Variants in C3orf20 observed in about 807,000 individuals in gnomAD.
C3orf20 encodes uncharacterized protein C3orf20.
A neutral mutation model predicts 88.3 loss-of-function variants in C3orf20; 76 were observed. The observed-to-expected ratio is 0.86, with a 90% CI of 0.72 to 1.04. C3orf20 has a LOEUF of 1.04. Among genes scored for constraint, C3orf20 ranks in the 50% least tolerant of loss-of-function variants. The probability of loss-of-function intolerance (pLI) is 0.00; values close to 1 mark genes in which losing one functional copy is unlikely to be tolerated. For synonymous variants in C3orf20, 436 were observed against 437.4 expected (o/e 1.00, Z 0.04); for missense variants, 1,056 against 1,123.3 (o/e 0.94, Z 0.86).
At chr3:14,717,191 A>G (rs2033974214) in intron 9 of C3orf20, among the ~76,000 whole-genome samples, 1 of 152,254 alleles carries the variant, frequency 6.6e-6, no homozygotes, top group African/African-American at 2.4e-5. Flanking sequence ...GGTCACCAGA[A>G]CTGCCCTCCG....
chr3:14,713,882 T>C, intron 7 of C3orf20, 125 bp from the exon 8 acceptor site: 1 of 942,526 alleles, frequency 1.1e-6, no homozygotes, highest in Non-Finnish European at 1.6e-6. Context: ...GCAAGGAGGG[T>C]GTTTGAAGAT....
intron 10 of C3orf20, 145 bp downstream of exon 10, chr3:14,721,929 C>A: frequency 2.0e-6 from 2 of 977,180 alleles, no homozygotes; most frequent in Non-Finnish European, 3.0e-6. Context: ...TATTCACCAC[C>A]TACTCTTAGT....
At chr3:14,712,959 C>T (rs1262231371) in intron 7 of C3orf20, among the ~76,000 whole-genome samples, 1 of 152,032 alleles carries the variant, frequency 6.6e-6, no homozygotes, top group Non-Finnish European at 1.5e-5. Flanking sequence ...CCTTCGAGGT[C>T]TTTAGATATT....
At position 14,683,133 on chromosome 3, in the gene C3orf20, G is replaced by C; in HGVS notation, c.420G>C (p.Gln140His). 6.2e-7 allele frequency: 1 copy of C among 1,613,944 alleles called. No homozygotes were observed. Among genetic ancestry groups the C allele is most frequent in the Non-Finnish European group, 8.5e-7 (1 of 1,179,914 alleles). Residue 140 changes from glutamine (Q) to histidine (H), a missense_variant, in exon 3 of 17, where the codon CAG becomes CAC. By Grantham distance (24) the Gln-to-His change is conservative (BLOSUM62 0). Coordinates refer to ENST00000253697, the MANE Select transcript of C3orf20 (RefSeq NM_032137.5). ...HQETLNRFQQQSIHLLTELLR... is the reference protein window; with the variant it reads ...HQETLNRFQQHSIHLLTELLR... ...AGACCCTGAACAGGTTTCAGCAGCA[G>C]TCCATCCACCTGCTGACGGAGCTCC... is the stretch of plus-strand genomic sequence containing the variant.
chr3:14,686,781 G>A (rs753411), intron 4 of C3orf20, among the ~76,000 whole-genome samples: 127,533 of 152,160 alleles, frequency 0.84, 53,550 homozygotes, highest in Non-Finnish European at 0.87. Flanking sequence ...TATAGGAAGC[G>A]TAAAAAAATT....
rs1225270929 is a variant in C3orf20, at chr3:14,722,638, C to T, written c.1566+854C>T. The T allele has an allele frequency of 3.5e-5, 16 of 454,834 alleles. 1 individual carries two copies. The highest frequency in any genetic ancestry group is 4.4e-5 in the Non-Finnish European group (10 of 225,874). 28.2% of individuals were successfully genotyped at this position (454,834 alleles called of 1,614,324 possible). ...CGTCCATTCTAGACTGCTTTCGTTT[C>T]AAGTCTATCGTCTCCACAAATTGAA... On this transcript the variant is annotated intron_variant, in intron 10 of 16. Transcript: ENST00000253697.
At chr3:14,713,943 A>G (rs759930535) in intron 7 of C3orf20, 64 bp from the exon 8 acceptor site, 66 of 1,582,770 alleles carry the variant, frequency 4.2e-5, no homozygotes, top group Non-Finnish European at 5.1e-5. Flanking sequence ...ACTTGCTTCA[A>G]TGGGACAACT....
Position 14,742,933 on chromosome 3 carries a change from C to T in C3orf20, c.1940+14245C>T, listed in dbSNP as rs569798472. ...TCAATTACCTCCCCACTGGGTCCCT[C>T]CCACAACACGTGGGAATTCTGAGAG... On this transcript the variant is annotated intron_variant, in intron 12 of 16. Coordinates refer to ENST00000253697, the MANE Select transcript of C3orf20 (RefSeq NM_032137.5). Among the ~76,000 whole-genome samples, 107 of 152,198 alleles carry T rather than the reference C, an allele frequency of 7.0e-4. 1 individual carries two copies. The South Asian group carries it at 0.014, about 19-fold the overall frequency.
intron 1 of C3orf20, among the ~76,000 whole-genome samples, chr3:14,678,108 G>A (rs998448469): frequency 6.6e-6 from 1 of 152,190 alleles, no homozygotes; most frequent in African/African-American, 2.4e-5. Context: ...GCTGTTTGGA[G>A]CCTTCAGCCT....
At chr3:14,699,337 C>T (rs2033148369) in intron 5 of C3orf20, among the ~76,000 whole-genome samples, 1 of 152,174 alleles carries the variant, frequency 6.6e-6, no homozygotes, top group Non-Finnish European at 1.5e-5. Context: ...TCACTGTGAC[C>T]ATCACATCTG....
chr3:14,754,933 C>T (rs7637140), intron 12 of C3orf20, among the ~76,000 whole-genome samples: 1,524 of 152,172 alleles, frequency 0.01, 17 homozygotes, highest in African/African-American at 0.035. Flanking sequence ...CTATGTTGTC[C>T]AGCCTTGTCT....
chr3:14,766,831 A>G (rs1321625836), intron 15 of C3orf20: 1 of 152,372 alleles, frequency 6.6e-6, no homozygotes, highest in Non-Finnish European at 1.5e-5. Context: ...GCTGGAAGCC[A>G]AGTGCAGCCG....
At chr3:14,767,760 A>G (rs2035754766) in intron 15 of C3orf20, among the ~76,000 whole-genome samples, 1 of 152,240 alleles carries the variant, frequency 6.6e-6, no homozygotes, top group African/African-American at 2.4e-5. Context: ...TGCCCTGTAA[A>G]CCAGAAAGCA....
chr3:14,709,110 C>T (rs2033637935), intron 7 of C3orf20, among the ~76,000 whole-genome samples: 2 of 151,614 alleles, frequency 1.3e-5, no homozygotes, highest in African/African-American at 2.4e-5. Flanking sequence ...AGAACTTGTA[C>T]ACTGAAAACT....
At chr3:14,731,973 A>T (rs1166423766) in intron 12 of C3orf20, among the ~76,000 whole-genome samples, 1 of 152,228 alleles carries the variant, frequency 6.6e-6, no homozygotes, top group Non-Finnish European at 1.5e-5. Flanking sequence ...GCAGGCTTTT[A>T]TGTGAGCCTA....
rs1356867152 is a variant in C3orf20, at chr3:14,772,656, C to G, written c.2631-135C>G. 1.5e-6 allele frequency: 1 copy of G among 667,150 alleles called. No individual in the cohort carries two copies. The highest frequency in any genetic ancestry group is 2.6e-6 in the Non-Finnish European group (1 of 381,420). 41.3% of individuals were successfully genotyped at this position (667,150 alleles called of 1,614,324 possible). On this transcript the variant is annotated intron_variant, in intron 16 of 16. Coordinates refer to ENST00000253697, the MANE Select transcript of C3orf20 (RefSeq NM_032137.5). This position sits in a 1 kb window ranked among gnomAD's most constrained non-coding sequence, Gnocchi z 4.2. Reference sequence around the variant, plus strand: ...AGGTCGCAGGTGCCACCGGGGCCCTCTGGTTGGAACAGCACCCAACAGCCT... The same window carrying G: ...AGGTCGCAGGTGCCACCGGGGCCCTGTGGTTGGAACAGCACCCAACAGCCT...
chr3:14,761,274 G>T (rs2035554218), intron 14 of C3orf20, among the ~76,000 whole-genome samples, 199 bp from the exon 15 acceptor site: 1 of 149,142 alleles, frequency 6.7e-6, no homozygotes, highest in Admixed American at 6.7e-5. Context: ...CTGGGCAGGG[G>T]CTGGACTCAG....
In C3orf20 at chr3:14,722,592, C is replaced by T. The variant is rs550978588; in HGVS notation, c.1566+808C>T. On this transcript the variant is annotated intron_variant, in intron 10 of 16. Transcript: ENST00000253697. ...GGTAGAGTCAGTCTCTCCCTCTGCT[C>T]AGCCCCCCTGGCCGTGACAACGTCC... is the stretch of plus-strand genomic sequence containing the variant. The T allele has an allele frequency of 1.3e-5, 6 of 456,512 alleles. No individual in the cohort carries two copies. In the East Asian group the frequency reaches 3.5e-4, roughly 26 times the overall value. 28.3% of individuals were successfully genotyped at this position (456,512 alleles called of 1,614,324 possible).
chr3:14,757,316 C>T, intron 12 of C3orf20, 55 bp from the exon 13 acceptor site: 1 of 1,488,186 alleles, frequency 6.7e-7, no homozygotes, highest in Non-Finnish European at 9.1e-7. Flanking sequence ...GCTCTGGGAA[C>T]CACAGACCTT....
Sources: gnomAD v4.1 joint callset for allele counts (sites outside exome capture counted in the v4.1 genomes callset) on GRCh38, gnomAD v4.1.1 for gene constraint, Gnocchi (gnomAD v3.1) non-coding constraint, MANE v1.5 for transcripts, NCBI Gene and HGNC (gene_info 2026-07-23, HGNC 2026-07-21) for gene names.